Variants in SI observed in about 807,000 individuals in gnomAD.
SI encodes the protein sucrase-isomaltase, also known as sucrase-isomaltase, intestinal.
A neutral mutation model predicts 253.3 loss-of-function variants in SI; 235 were observed. That is an observed-to-expected ratio of 0.93 (90% CI 0.83 to 1.03). The LOEUF (loss-of-function observed/expected upper bound fraction) is 1.03, where lower values mean the gene tolerates loss of function less well. SI is among the 50% of genes least tolerant of loss of function. The pLI, the probability that SI is intolerant of heterozygous loss-of-function variation, is 0.00. For missense variants in SI, 2,442 were observed against 2,211.1 expected, an observed-to-expected ratio of 1.10 and a Z score of -2.09; for synonymous variants, 819 against 712.0, an observed-to-expected ratio of 1.15 and a Z score of -2.39.
At chr3:165,019,505 A>G in intron 28 of SI, 97 bp downstream of exon 28, 1 of 1,139,150 alleles carries the variant, frequency 8.8e-7, no homozygotes, top group Non-Finnish European at 1.3e-6. Flanking sequence ...TGCCTTTGTC[A>G]TTACTTCAAT....
chr3:165,056,073 A>C (rs1713680830), intron 12 of SI, among the ~76,000 whole-genome samples: 1 of 152,168 alleles, frequency 6.6e-6, no homozygotes, highest in African/African-American at 2.4e-5. Flanking sequence ...TATTACTTAC[A>C]ATAATCACAT....
At chr3:165,006,744 T>A (rs1718527199) in intron 37 of SI, 72 bp downstream of exon 37, 2 of 1,371,004 alleles carry the variant, frequency 1.5e-6, no homozygotes, top group African/African-American at 2.9e-5. Context: ...TCGGGACTGT[T>A]AAAATGATAA....
At chr3:165,040,251 G>T (rs1231340133) in intron 18 of SI, among the ~76,000 whole-genome samples, 7 of 151,196 alleles carry the variant, frequency 4.6e-5, no homozygotes, top group African/African-American at 1.7e-4. Flanking sequence ...AGGATAGGAG[G>T]AAGGGATGGG....
Position 165,076,922 on chromosome 3 carries a change from C to A in SI, c.1-910G>T, listed in dbSNP as rs1217506584. On this transcript the variant is annotated intron_variant, in intron 1 of 47. Transcript: ENST00000264382. ...TTCAAAGACATATACCAAAGTAGAACTTAGAATTACTACAGTAAGTGCTTT... is the reference window on the plus strand; with the variant it reads ...TTCAAAGACATATACCAAAGTAGAAATTAGAATTACTACAGTAAGTGCTTT... Among the ~76,000 whole-genome samples the A allele has an allele frequency of 4.0e-5, 6 of 148,838 alleles. No homozygotes were observed. The East Asian group carries it at 1.2e-3, about 29-fold the overall frequency.
At chr3:165,076,454 T>G (rs193058648) in intron 1 of SI, among the ~76,000 whole-genome samples, 2 of 151,964 alleles carry the variant, frequency 1.3e-5, no homozygotes, top group East Asian at 3.9e-4. Context: ...TCAGGAACTT[T>G]AAGCTTAACA....
At chr3:165,042,320 T>C (rs533441204) in intron 17 of SI, among the ~76,000 whole-genome samples, 7 of 152,202 alleles carry the variant, frequency 4.6e-5, no homozygotes, top group African/African-American at 1.4e-4. Context: ...TCAGTAGTTG[T>C]CCCTCTTCTC....
chr3:165,017,428 G>C (rs773840296), intron 31 of SI, 120 bp downstream of exon 31: 3 of 845,240 alleles, frequency 3.5e-6, no homozygotes, highest in Non-Finnish European at 5.7e-6. Flanking sequence ...TACATAAGGT[G>C]CCAGTAAAAA....
At chr3:165,033,663 G>C (rs1712365433) in intron 22 of SI, among the ~76,000 whole-genome samples, 1 of 151,244 alleles carries the variant, frequency 6.6e-6, no homozygotes. Context: ...ATACATATTT[G>C]CCTTGCTTAT....
At chr3:164,990,623 C>G (rs1717684123) in intron 44 of SI, among the ~76,000 whole-genome samples, 1 of 152,078 alleles carries the variant, frequency 6.6e-6, no homozygotes, top group African/African-American at 2.4e-5. Context: ...TGGAAACCAT[C>G]ATTCTCAGCA....
At chr3:165,022,111 A>G (rs564545729) in intron 26 of SI, among the ~76,000 whole-genome samples, 4 of 151,648 alleles carry the variant, frequency 2.6e-5, no homozygotes, top group African/African-American at 9.6e-5. Context: ...CTTCTGTTAA[A>G]TATCTTCTTA....
intron 31 of SI, 74 bp from the exon 32 acceptor site, chr3:165,016,154 A>G: frequency 7.5e-7 from 1 of 1,340,700 alleles, no homozygotes; most frequent in Admixed American, 1.7e-5. Context: ...TATCATACTT[A>G]TAAAAGTAAC....
intron 37 of SI, among the ~76,000 whole-genome samples, chr3:165,002,500 A>C (rs962787759): frequency 4.0e-5 from 6 of 151,772 alleles, no homozygotes; most frequent in Non-Finnish European, 1.5e-5. Flanking sequence ...AAATAGCTAA[A>C]TGTCAAATAT....
intron 26 of SI, 86 bp downstream of exon 26, chr3:165,023,484 A>G: frequency 1.1e-6 from 1 of 942,046 alleles, no homozygotes; most frequent in African/African-American, 1.6e-5. Context: ...AACCTTTAAT[A>G]TTACATTAAA....
intron 13 of SI, among the ~76,000 whole-genome samples, chr3:165,052,127 T>G (rs2108237025): frequency 6.6e-6 from 1 of 152,264 alleles, no homozygotes; most frequent in African/African-American, 2.4e-5. Flanking sequence ...TAAATTAAAC[T>G]TACTACCCAT....
In SI at chr3:164,983,158, T is replaced by G. The variant is rs6777477; in HGVS notation, c.5198-107A>C. 0.011 allele frequency: 12,205 copies of G among 1,082,942 alleles called. 972 individuals are homozygous for G. The African/African-American group carries it at 0.17, about 15-fold the overall frequency. 67.1% of individuals were successfully genotyped at this position (1,082,942 alleles called of 1,614,324 possible). A position where few individuals can be genotyped will look rare whatever the true frequency, so the allele number is the denominator to read the frequency against. On this transcript the variant is annotated intron_variant, in intron 45 of 47. Coordinates refer to ENST00000264382, the MANE Select transcript of SI (RefSeq NM_001041.4). ...TTCCCAGTATAAAAAGTAGCAAATA[T>G]TATCAAGATGTACCTATTTTTTCTC...
chr3:165,016,546 A>G (rs1193363777), intron 31 of SI, among the ~76,000 whole-genome samples: 1 of 151,976 alleles, frequency 6.6e-6, no homozygotes, highest in Non-Finnish European at 1.5e-5. Context: ...AGTATTAACA[A>G]TTACATCAAT....
intron 25 of SI, among the ~76,000 whole-genome samples, chr3:165,025,879 A>C (rs1711887161): frequency 6.6e-6 from 1 of 151,472 alleles, no homozygotes; most frequent in Non-Finnish European, 1.5e-5. Flanking sequence ...ACATCAAAAC[A>C]GAACCTCTTT....
At chr3:165,065,226 T>C (rs545675769) in intron 7 of SI, 35 bp downstream of exon 7, 1 of 1,354,146 alleles carries the variant, frequency 7.4e-7, no homozygotes, top group Admixed American at 1.7e-5. Context: ...TGCAATATAG[T>C]GATTTTATTT....
At chr3:164,995,994 C>T (rs1184058760) in intron 40 of SI, among the ~76,000 whole-genome samples, 2 of 151,768 alleles carry the variant, frequency 1.3e-5, no homozygotes, top group South Asian at 2.1e-4. Context: ...AGCAAATTTT[C>T]CTGTTGAGAT....
Sources: allele counts gnomAD v4.1 joint callset (sites outside exome capture counted in the v4.1 genomes callset), GRCh38; gene constraint gnomAD v4.1.1; transcripts MANE v1.5; gene names NCBI Gene and HGNC (gene_info 2026-07-23, HGNC 2026-07-21).